TTN: variants seen among roughly 807,000 people sequenced by gnomAD.
TTN encodes connectin.
A neutral mutation model predicts 3,223.0 loss-of-function variants in TTN; 1,525 were observed. That is an observed-to-expected ratio of 0.47 (90% CI 0.45 to 0.49). The LOEUF is 0.49. Ranked by LOEUF, TTN falls within the 20% of genes least tolerant of loss-of-function variation. TTN has a pLI of 0.00. For synonymous variants in TTN, 14,094 were observed against 15,161.0 expected (o/e 0.93, Z 5.17); for missense variants, 40,786 against 43,424.0 (o/e 0.94, Z 5.40).
Position 178,570,643 on chromosome 2 carries a change from G to C in TTN, c.75489C>G (p.Thr25163=). The C allele has an allele frequency of 1.2e-6, 2 of 1,613,414 alleles. No homozygotes were observed. The highest frequency in any genetic ancestry group is 1.7e-6 in the Non-Finnish European group (2 of 1,179,604). ...SNTARLEIKS[T]DFATSLSVKD... is the part of the protein sequence containing the mutation. ...TTACACTGAGACTGGTGGCAAAGTC[G>C]GTGCTCTTTATTTCTAATCGAGCTG... Residue 25163 remains threonine, a synonymous_variant, in exon 326 of 363, where the codon ACC becomes ACG. Transcript: ENST00000589042.
Position 178,714,005 on chromosome 2 carries a change from A to G in TTN, c.26653T>C (p.Ser8885Pro). Residue 8885 changes from serine (S) to proline (P), a missense_variant, in exon 92 of 363, where the codon TCC (serine) becomes CCC (proline). Physicochemically the swap from Ser to Pro is moderately conservative, Grantham distance 74. Coordinates refer to ENST00000589042, the MANE Select transcript of TTN (RefSeq NM_001267550.2). ...GCTACATTGATGATCTTAAGGCCGG[A>G]TACTTTGTTGAAGAAGCTTATTTTG... is the stretch of plus-strand genomic sequence containing the variant. ...KYKISFFNKV[S>P]GLKIINVAPS... 1.9e-6 allele frequency: 3 copies of G among 1,613,628 alleles called. No homozygotes were observed. The highest frequency in any genetic ancestry group is 2.5e-6 in the Non-Finnish European group (3 of 1,179,692).
At chr2:178,715,838 G>A (rs2077399753) in intron 88 of TTN, 64 bp from the exon 89 acceptor site, 23 of 1,450,390 alleles carry the variant, frequency 1.6e-5, no homozygotes, top group Middle Eastern at 3.6e-4. Context: ...TTCAAGATGA[G>A]GTGGAAAAAA....
chr2:178,630,416 A>T, intron 238 of TTN, 49 bp from the exon 239 acceptor site: 1 of 1,538,410 alleles, frequency 6.5e-7, no homozygotes, highest in Non-Finnish European at 8.7e-7. Flanking sequence ...TTTTCTTTGA[A>T]ATTTTGTTCT....
rs780827964 is a variant in TTN, at chr2:178,557,777, C to T, written c.87577G>A (p.Ala29193Thr). 5 of 1,613,828 alleles carry T rather than the reference C, an allele frequency of 3.1e-6. No homozygotes were observed. Among genetic ancestry groups the T allele is most frequent in the Non-Finnish European group, 4.2e-6 (5 of 1,179,854 alleles). Residue 29193 changes from alanine to threonine, a missense_variant, in exon 328 of 363, where the codon GCA becomes ACA. Coordinates refer to ENST00000589042, the MANE Select transcript of TTN (RefSeq NM_001267550.2). The stretch of plus-strand genomic sequence containing the variant: ...TTCATGACTTTCATCATGGTTCTTG[C>T]AACTGTTGCAGACACTTCAGTCCAC... ...AVWTEVSATV[A>T]RTMMKVMKLT...
rs546385657 is a variant in TTN, at chr2:178,777,463, G to A, written c.4602C>T (p.Asn1534=). The change falls in exon 26 of 363, where the codon AAC becomes AAT. Residue 1534 remains asparagine (N), a synonymous_variant. Coordinates refer to ENST00000589042, the MANE Select transcript of TTN (RefSeq NM_001267550.2). ...CTGAAATTGAAGATCTGCCTGCCCT[G>A]TTTTGGGCAACCACAGTCCATTCCC... ...DSGEWTVVAQ[N]RAGRSSISVI... 1.3e-5 allele frequency: 21 copies of A among 1,613,876 alleles called. No homozygotes were observed. The East Asian group carries it at 4.0e-4, about 31-fold the overall frequency.
rs766856418 is a variant in TTN at position 178,739,493 on chromosome 2, G to C, written c.13740C>G (p.Ser4580=). 23 of 1,613,592 alleles carry C rather than the reference G, an allele frequency of 1.4e-5. No homozygotes were observed. Among genetic ancestry groups the C allele is most frequent in the Non-Finnish European group, 1.9e-5 (22 of 1,179,832 alleles). Residue 4580 remains serine (S), a synonymous_variant, in exon 48 of 363, where the codon TCC becomes TCG. Coordinates refer to ENST00000589042, the MANE Select transcript of TTN (RefSeq NM_001267550.2). ...LKPSEEKEES[S]SESGTEEVAT... ...CAACCTCCTCAGTACCACTTTCAGA[G>C]GAAGACTCCTCTTTTTCCTCTGATG...
chr2:178,562,522 T>A lies in TTN; in HGVS notation c.83610A>T (p.Val27870=). The A allele has an allele frequency of 2.5e-6, 4 of 1,611,340 alleles. No individual in the cohort carries two copies. The highest frequency in any genetic ancestry group is 3.4e-6 in the Non-Finnish European group (4 of 1,179,120). The change falls in exon 326 of 363, where the codon GTA becomes GTT. Residue 27870 remains valine (V), a synonymous_variant. Transcript: ENST00000589042. ...TATTACGGGTCACATCAACAAGAGT[T>A]ACTCTTCCAGGTGGGAGGGGTGGTT... ...VSEPPLPPGR[V]TLVDVTRNTA...
chr2:178,640,638 A>G lies in TTN; in HGVS notation c.40634-8T>C. On this transcript the variant is annotated splice_polypyrimidine_tract_variant and splice_region_variant and intron_variant, in intron 220 of 362. Coordinates refer to ENST00000589042, the MANE Select transcript of TTN (RefSeq NM_001267550.2). ...GAGGTGGTGGTTCTGGTACTTTAAG[A>G]TAAGATTATTTTTTCAGTGTTAATA... The G allele has an allele frequency of 6.4e-7, 1 of 1,563,184 alleles. No individual in the cohort carries two copies. Among genetic ancestry groups the G allele is most frequent in the Non-Finnish European group, 8.6e-7 (1 of 1,160,512 alleles).
intron 151 of TTN, among the ~76,000 whole-genome samples, chr2:178,673,958 A>AG (rs1223831984): frequency 2.0e-5 from 3 of 151,698 alleles, no homozygotes; most frequent in African/African-American, 7.3e-5. Flanking sequence ...TAAATTAAAG[A>AG]TTTTTCTTAA....
At chr2:178,641,428 A>G in intron 219 of TTN, 113 bp from the exon 220 acceptor site, 1 of 613,276 alleles carries the variant, frequency 1.6e-6, no homozygotes. Flanking sequence ...AAAGCATGCT[A>G]CCTAGCACTC....
rs2073458965 is a variant in TTN at position 178,695,338 on chromosome 2, A to G, written c.31270+10T>C. 2 of 1,606,988 alleles carry G rather than the reference A, an allele frequency of 1.2e-6. No homozygotes were observed. The highest frequency in any genetic ancestry group is 2.2e-5 in the East Asian group (1 of 44,736). On this transcript the variant is annotated intron_variant, in intron 115 of 362. Transcript: ENST00000589042. ...TGCTCTAGTCTATTTAAATATTTCT[A>G]ATTACTTACCTTTAGGAGGTGGTGG...
At position 178,637,439 on chromosome 2, in the gene TTN, C is replaced by T; in HGVS notation, c.40877-20G>A. On this transcript the variant is annotated intron_variant, in intron 223 of 362. Coordinates refer to ENST00000589042, the MANE Select transcript of TTN (RefSeq NM_001267550.2). ...TGGCTTCTGAAATAAAAATAAAACT[C>T]AGCATTTAAACACTTTTCGGACTTA... 8.2e-6 allele frequency: 12 copies of T among 1,460,226 alleles called. No homozygotes were observed. The highest frequency in any genetic ancestry group is 1.1e-5 in the Non-Finnish European group (12 of 1,105,754). The allele number at this position is 1,460,226 out of a possible 1,614,324, so 90.5% of individuals were successfully genotyped here.
Position 178,676,009 on chromosome 2 carries a change from A to G in TTN, c.34379-14T>C, listed in dbSNP as rs727505341. 38 of 1,583,034 alleles carry G rather than the reference A, an allele frequency of 2.4e-5. No individual in the cohort carries two copies. The highest frequency in any genetic ancestry group is 3.3e-4 in the Middle Eastern group (2 of 6,030). ...TAATTTCAGGCACTTTAAAGACATC[A>G]TTTCATGATAAGGATTTATTTTGAA... On this transcript the variant is annotated splice_polypyrimidine_tract_variant and intron_variant, in intron 147 of 362. Coordinates refer to ENST00000589042, the MANE Select transcript of TTN (RefSeq NM_001267550.2).
At position 178,604,827 on chromosome 2, in the gene TTN, C is replaced by T. The variant is rs781223649; in HGVS notation, c.54262G>A (p.Ala18088Thr). The T allele has an allele frequency of 6.2e-7, 1 of 1,612,422 alleles. No individual in the cohort carries two copies. The highest frequency in any genetic ancestry group is 1.7e-5 in the Admixed American group (1 of 59,924). The stretch of plus-strand genomic sequence containing the variant: ...TCACTGCCACCATTATCAAGAGGGG[C>T]ATCCCATGTCAAGTAGCAAGATTCA... ...KAESCYLTWD[A>T]PLDNGGSEIT... The change falls in exon 281 of 363, where the codon GCC becomes ACC. Residue 18088 changes from alanine (A) to threonine (T), a missense_variant. Ala to Thr is a moderately conservative substitution (Grantham distance 58, BLOSUM62 0). Transcript: ENST00000589042.
intron 2 of TTN, among the ~76,000 whole-genome samples, chr2:178,802,582 A>G (rs1168902207): frequency 1.3e-5 from 2 of 152,212 alleles, no homozygotes; most frequent in Non-Finnish European, 2.9e-5. Flanking sequence ...AAGGTCCTTC[A>G]GCTAGCAGTG....
At position 178,569,097 on chromosome 2, in the gene TTN, T is replaced by C. The variant is rs770512378; in HGVS notation, c.77035A>G (p.Asn25679Asp). ...CSYYFRVTAE[N>D]EYGIGLPAQT... ...GCAGGAAGGCCAATACCATACTCAT[T>C]CTCAGCTGTGACTCTAAAGTAATAA... Residue 25679 changes from asparagine to aspartate, a missense_variant, in exon 326 of 363, where the codon AAT becomes GAT. Coordinates refer to ENST00000589042, the MANE Select transcript of TTN (RefSeq NM_001267550.2). 2 of 1,613,444 alleles carry C rather than the reference T, an allele frequency of 1.2e-6. No individual in the cohort carries two copies. The highest frequency in any genetic ancestry group is 2.2e-5 in the South Asian group (2 of 91,048).
chr2:178,746,347 TG>T lies in TTN; in HGVS notation c.11312-4427del, dbSNP rs2083545787. On this transcript the variant is annotated intron_variant, in intron 47 of 362. Coordinates refer to ENST00000589042, the MANE Select transcript of TTN (RefSeq NM_001267550.2). The stretch of plus-strand genomic sequence containing the variant: ...CCATATTTGGATCTACAAAATTAAA[TG>T]GAAGAACATCTAGACTCACAATCAT... 17 of 1,612,416 alleles carry T rather than the reference TG, an allele frequency of 1.1e-5. No homozygotes were observed. The highest frequency in any genetic ancestry group is 1.4e-5 in the Non-Finnish European group (17 of 1,179,356).
In TTN at chr2:178,558,587, T is replaced by C; in HGVS notation, c.86872A>G (p.Ser28958Gly). ...GGCTTCAGCCAGGTCAGGGAAACAC[T>C]GTCTTTGGATATACTTGTTACTCCA... ...KLGVTSISKD[S>G]VSLTWLKPEH... Residue 28958 changes from serine to glycine, a missense_variant, in exon 327 of 363, where the codon AGT (serine) becomes GGT (glycine). Ser to Gly is a moderately conservative substitution (Grantham distance 56, BLOSUM62 0). Coordinates refer to ENST00000589042, the MANE Select transcript of TTN (RefSeq NM_001267550.2). 6.2e-7 allele frequency: 1 copy of C among 1,613,736 alleles called. No individual in the cohort carries two copies. The highest frequency in any genetic ancestry group is 1.3e-5 in the African/African-American group (1 of 75,076).
In TTN at chr2:178,529,174, G is replaced by T; in HGVS notation, c.106577C>A (p.Ser35526Tyr). 4 of 1,537,310 alleles carry T rather than the reference G, an allele frequency of 2.6e-6. No individual in the cohort carries two copies. Among genetic ancestry groups the T allele is most frequent in the Non-Finnish European group, 2.6e-6 (3 of 1,147,892 alleles). The change falls in exon 360 of 363, where the codon TCT becomes TAT. Residue 35526 changes from serine to tyrosine, a missense_variant. Physicochemically the swap from Ser to Tyr is moderately radical, Grantham distance 144 (BLOSUM62 -2). Transcript: ENST00000589042. ...EAQKVSTQKT[S>Y]EITPQKKAVV... ...AGCTTTCTTCTGAGGTGTAATTTCA[G>T]AAGTCTTTTGTGTAGAGACTTTCTG...
Sources: gnomAD v4.1 joint callset for allele counts (sites outside exome capture counted in the v4.1 genomes callset) on GRCh38, gnomAD v4.1.1 for gene constraint, MANE v1.5 for transcripts, NCBI Gene and HGNC (gene_info 2026-07-23, HGNC 2026-07-21) for gene names.